SOHLH2: variants seen among roughly 807,000 people sequenced by gnomAD.
The protein encoded by SOHLH2 is spermatogenesis and oogenesis specific basic helix-loop-helix 2, also known as spermatogenesis- and oogenesis-specific basic helix-loop-helix-containing protein 2.
In SOHLH2, 22 loss-of-function variants were observed where a neutral mutation model predicts 50.4. The observed-to-expected ratio is 0.44, with a 90% confidence interval of 0.31 to 0.62. The LOEUF is 0.62. Among genes scored for constraint, SOHLH2 ranks in the 20% least tolerant of loss-of-function variants. The pLI, the probability that SOHLH2 is intolerant of heterozygous loss-of-function variation, is 0.08. For missense variants in SOHLH2, 412 were observed against 504.4 expected, an observed-to-expected ratio of 0.82 and a Z score of 1.76; for synonymous variants, 185 against 187.3, an observed-to-expected ratio of 0.99 and a Z score of 0.10.
At chr13:36,212,054 C>A (rs964284868) in intron 1 of SOHLH2, among the ~76,000 whole-genome samples, 2 of 152,136 alleles carry the variant, frequency 1.3e-5, no homozygotes, top group Non-Finnish European at 2.9e-5. Flanking sequence ...CCCAGAATCT[C>A]TCGGCCTTTT....
chr13:36,170,845 G>A (rs1886944472), intron 9 of SOHLH2, 58 bp from the exon 10 acceptor site: 4 of 1,572,810 alleles, frequency 2.5e-6, no homozygotes, highest in Admixed American at 3.5e-5. Context: ...AATTCAGAAC[G>A]ACTGTTATTC....
intron 10 of SOHLH2, among the ~76,000 whole-genome samples, chr13:36,169,793 C>A (rs1246467305): frequency 6.6e-6 from 1 of 152,198 alleles, no homozygotes; most frequent in Non-Finnish European, 1.5e-5. Flanking sequence ...ACCCCTCTAC[C>A]TAGCTATTCC....
Position 36,168,780 on chromosome 13 carries a change from G to A in SOHLH2, c.*254C>T, listed in dbSNP as rs1378586586. The A allele has an allele frequency of 1.1e-5, 5 of 475,506 alleles. No individual in the cohort carries two copies. The East Asian group carries it at 1.7e-4, about 16-fold the overall frequency. The allele number at this position is 475,506 out of a possible 1,614,324, so 29.5% of individuals were successfully genotyped here. On this transcript the variant is annotated 3_prime_UTR_variant, in exon 11 of 11. Coordinates refer to ENST00000379881, the MANE Select transcript of SOHLH2 (RefSeq NM_017826.3). ...AGAGTGTAGGTCACTGAGGCCATTT[G>A]TTCTTGTAGCTCTCTGGCTGGCGGG...
At chr13:36,184,459 C>CTTTTTTTTTT (rs764218457) in intron 6 of SOHLH2, among the ~76,000 whole-genome samples, 3 of 81,686 alleles carry the variant, frequency 3.7e-5, no homozygotes, top group African/African-American at 1.5e-4. Flanking sequence ...CCTACAAAGA[C>CTTTTTTTTTT]CTTTTTTTTT....
At chr13:36,207,755 CT>C (rs921516060) in intron 1 of SOHLH2, among the ~76,000 whole-genome samples, 2 of 152,098 alleles carry the variant, frequency 1.3e-5, no homozygotes, top group African/African-American at 4.8e-5. Context: ...TTTTTACTGG[CT>C]TTTGAGGAGT....
intron 1 of SOHLH2, among the ~76,000 whole-genome samples, chr13:36,210,715 A>C (rs1163174737): frequency 1.3e-5 from 2 of 152,186 alleles, no homozygotes; most frequent in African/African-American, 4.8e-5. Flanking sequence ...ATACCAATTT[A>C]AACTCCTTAG....
chr13:36,174,425 T>A, intron 8 of SOHLH2, 51 bp downstream of exon 8: 5 of 1,607,028 alleles, frequency 3.1e-6, no homozygotes, highest in Non-Finnish European at 4.2e-6. Context: ...AGCATCAACA[T>A]GGGAGGAAAA....
In SOHLH2 at chr13:36,170,749, G is replaced by C. The variant is rs767827066; in HGVS notation, c.1039C>G (p.Pro347Ala). The stretch of plus-strand genomic sequence containing the variant: ...GCACTGGAAATGTGAGTTTTATATG[G>C]ATCACCAATAGCATTCTCTGAGGCG... ...SSASENAIGD[P>A]YKTHISSAAL... is the part of the protein sequence containing the mutation. The change falls in exon 10 of 11, where the codon CCA becomes GCA. Residue 347 changes from proline (P) to alanine (A), a missense_variant. Physicochemically the swap from Pro to Ala is conservative, Grantham distance 27 (BLOSUM62 -1). Transcript: ENST00000379881. 45 of 1,614,024 alleles carry C rather than the reference G, an allele frequency of 2.8e-5. No homozygotes were observed. In the South Asian group the frequency reaches 4.9e-4, roughly 18 times the overall value.
At chr13:36,174,617 A>C (rs775960597) in intron 7 of SOHLH2, 50 bp from the exon 8 acceptor site, 1 of 1,610,462 alleles carries the variant, frequency 6.2e-7, no homozygotes, top group Non-Finnish European at 8.5e-7. Context: ...TTTTACATAG[A>C]TACAAAGACA....
At position 36,201,993 on chromosome 13, in the gene SOHLH2, ATGG is replaced by A; in HGVS notation, c.146_148del (p.Thr49del). On this transcript the variant is annotated inframe_deletion, in exon 2 of 11. Coordinates refer to ENST00000379881, the MANE Select transcript of SOHLH2 (RefSeq NM_017826.3). ...CGCTGCTGCCTCCTTCGTGTCACTG[ATGG>A]TGATGGTGACTTCTGCTATGTTTGC... The A allele has an allele frequency of 6.2e-7, 1 of 1,614,212 alleles. No individual in the cohort carries two copies. Among genetic ancestry groups the A allele is most frequent in the Non-Finnish European group, 8.5e-7 (1 of 1,180,046 alleles).
intron 2 of SOHLH2, among the ~76,000 whole-genome samples, chr13:36,196,345 CA>C (rs1400712780): frequency 1.3e-5 from 2 of 151,918 alleles, no homozygotes; most frequent in Non-Finnish European, 1.5e-5. Context: ...AGGCTGGTCT[CA>C]AACTCCTGGC....
intron 1 of SOHLH2, among the ~76,000 whole-genome samples, chr13:36,213,652 G>C (rs117911607): frequency 4.6e-5 from 7 of 152,050 alleles, no homozygotes; most frequent in African/African-American, 1.7e-4. Flanking sequence ...CTTTGCTAAA[G>C]GGGCTGAAAA....
rs1198364912 is a variant in SOHLH2 at position 36,168,762 on chromosome 13, A to AG, written c.*271dup. 1 of 450,876 alleles carries AG rather than the reference A, an allele frequency of 2.2e-6. No homozygotes were observed. The highest frequency in any genetic ancestry group is 2.0e-5 in the African/African-American group (1 of 49,476). 27.9% of individuals were successfully genotyped at this position (450,876 alleles called of 1,614,324 possible). On this transcript the variant is annotated 3_prime_UTR_variant, in exon 11 of 11. Transcript: ENST00000379881. The stretch of plus-strand genomic sequence containing the variant: ...AATATTTTTTGAGAAAAGAGAGTGT[A>AG]GGTCACTGAGGCCATTTGTTCTTGT...
At chr13:36,171,586 C>T (rs1167990512) in intron 9 of SOHLH2, among the ~76,000 whole-genome samples, 6 of 152,174 alleles carry the variant, frequency 3.9e-5, no homozygotes, top group Non-Finnish European at 7.4e-5. Context: ...CATACATTCA[C>T]GTTCTCTGTT....
intron 6 of SOHLH2, among the ~76,000 whole-genome samples, chr13:36,188,157 T>C (rs1309869238): frequency 6.6e-6 from 1 of 152,216 alleles, no homozygotes; most frequent in Non-Finnish European, 1.5e-5. Context: ...CCCTCCTGAC[T>C]GGACCATCCA....
chr13:36,199,615 T>C (rs1887838023), intron 2 of SOHLH2, among the ~76,000 whole-genome samples: 1 of 152,254 alleles, frequency 6.6e-6, no homozygotes, highest in African/African-American at 2.4e-5. Flanking sequence ...TGCATAGCTA[T>C]ACACTTGGTA....
chr13:36,182,244 G>T (rs2138280732), intron 6 of SOHLH2: 2 of 985,364 alleles, frequency 2.0e-6, no homozygotes, highest in Non-Finnish European at 2.4e-6. Flanking sequence ...ACAAAATCTT[G>T]TATACAGTGA....
In SOHLH2 at chr13:36,170,566, A is replaced by ACCCAGAAGTGCAGTG. The variant is rs1309280425; in HGVS notation, c.1207_1221dup (p.His403_Gly407dup). The ACCCAGAAGTGCAGTG allele has an allele frequency of 6.2e-7, 1 of 1,614,078 alleles. No individual in the cohort carries two copies. The highest frequency in any genetic ancestry group is 2.2e-5 in the East Asian group (1 of 44,882). Reference sequence around the variant, plus strand: ...GGATGTGTAGTGCACGTCTGGCCCAACCCAGAAGTGCAGTGCCGAGGGAGA... The same window carrying ACCCAGAAGTGCAGTG: ...GGATGTGTAGTGCACGTCTGGCCCAACCCAGAAGTGCAGTGCCCAGAAGTGCAGTGCCGAGGGAGA... On this transcript the variant is annotated inframe_insertion, in exon 10 of 11. Transcript: ENST00000379881.
chr13:36,185,180 G>T (rs761431008), intron 6 of SOHLH2, among the ~76,000 whole-genome samples: 1 of 151,988 alleles, frequency 6.6e-6, no homozygotes, highest in Non-Finnish European at 1.5e-5. Context: ...AAAAAGCAAA[G>T]TATAGAGGCC....
Sources: allele counts gnomAD v4.1 joint callset (sites outside exome capture counted in the v4.1 genomes callset), GRCh38; gene constraint gnomAD v4.1.1; transcripts MANE v1.5; gene names NCBI Gene and HGNC (gene_info 2026-07-23, HGNC 2026-07-21).